Variants in DISP1 observed in about 807,000 individuals in gnomAD.
DISP1 encodes dispatched RND transporter family member 1.
In DISP1, 30 loss-of-function variants were observed where a neutral mutation model predicts 37.3. That is an observed-to-expected ratio of 0.80 (90% confidence interval 0.60 to 1.09). The LOEUF is 1.09. Ranked by LOEUF, DISP1 falls within the 50% of genes least tolerant of loss-of-function variation. The probability of loss-of-function intolerance (pLI) is 0.00; values close to 1 mark genes in which losing one functional copy is unlikely to be tolerated. For synonymous variants in DISP1, 634 were observed against 690.2 expected, an observed-to-expected ratio of 0.92 and a Z score of 1.28; for missense variants, 1,598 against 1,879.5, an observed-to-expected ratio of 0.85 and a Z score of 2.77.
chr1:222,898,897 C>A (rs1174670061), intron 1 of DISP1, among the ~76,000 whole-genome samples: 3 of 152,058 alleles, frequency 2.0e-5, no homozygotes, highest in African/African-American at 7.2e-5. Flanking sequence ...AGTTGATATA[C>A]TTGGGCCCTA....
Position 223,004,449 on chromosome 1 carries a change from G to T in DISP1, c.3052G>T (p.Gly1018Ter), listed in dbSNP as rs201126887. The change falls in exon 9 of 9, where the codon GGA (glycine) becomes TGA (stop). Residue 1018 changes from glycine to a stop codon, truncating the protein, a stop_gained. Transcript: ENST00000675850. LOFTEE classifies it low-confidence loss of function (END_TRUNC). This position sits in a 1 kb window ranked among gnomAD's most constrained non-coding sequence, Gnocchi z 4.9. ...ISLYAIISIA[G>*]TIFVTVGSLV... Reference sequence around the variant, plus strand: ...CCTTTATGCCATCATTTCAATTGCTGGAACGATATTTGTCACTGTTGGTTC... The same window carrying T: ...CCTTTATGCCATCATTTCAATTGCTTGAACGATATTTGTCACTGTTGGTTC... 1 of 1,614,196 alleles carries T rather than the reference G, an allele frequency of 6.2e-7. No individual in the cohort carries two copies. Among genetic ancestry groups the T allele is most frequent in the Non-Finnish European group, 8.5e-7 (1 of 1,180,052 alleles).
At chr1:222,970,429 A>G (rs1018387574) in intron 3 of DISP1, among the ~76,000 whole-genome samples, 1 of 152,210 alleles carries the variant, frequency 6.6e-6, no homozygotes, top group African/African-American at 2.4e-5. Context: ...TTAAAATACT[A>G]GTTCTTGCCT....
At chr1:222,936,877 ATGATATATATAATAT>A (rs1673890701) in intron 2 of DISP1, among the ~76,000 whole-genome samples, 1 of 60,294 alleles carries the variant, frequency 1.7e-5, no homozygotes, top group Admixed American at 2.5e-4. Flanking sequence ...TATCATATAT[ATGATATATATAATAT>A]ATTATTTATA....
chr1:222,980,156 G>A lies in DISP1; in HGVS notation c.510-2924G>A, dbSNP rs148634390. On this transcript the variant is annotated intron_variant, in intron 3 of 8. Transcript: ENST00000675850. ...AACTCAGTCATAGACAATGCAGCAGGTCTATGGTTTATGTAAGAACAGATT... is the reference window on the plus strand; with the variant it reads ...AACTCAGTCATAGACAATGCAGCAGATCTATGGTTTATGTAAGAACAGATT... 2.1e-3 allele frequency among the ~76,000 whole-genome samples: 319 copies of A among 152,258 alleles called. 1 individual carries two copies. The highest frequency in any genetic ancestry group is 4.8e-3 in the Admixed American group (74 of 15,294).
intron 1 of DISP1, among the ~76,000 whole-genome samples, chr1:222,828,904 A>G (rs1448860843): frequency 6.6e-6 from 1 of 152,224 alleles, no homozygotes; most frequent in East Asian, 1.9e-4. Context: ...GCATTGCCAG[A>G]AATAAAAGTC....
At chr1:222,869,728 T>G (rs1669413695) in intron 1 of DISP1, among the ~76,000 whole-genome samples, 1 of 152,144 alleles carries the variant, frequency 6.6e-6, no homozygotes, top group African/African-American at 2.4e-5. Context: ...TTTCTTAATC[T>G]TTTCTAGCTT....
intron 1 of DISP1, among the ~76,000 whole-genome samples, chr1:222,877,191 T>A (rs1025527286): frequency 1.3e-5 from 2 of 152,316 alleles, no homozygotes; most frequent in African/African-American, 4.8e-5. Context: ...ATAAACAGCT[T>A]ATCCAAAATG....
intron 1 of DISP1, among the ~76,000 whole-genome samples, chr1:222,921,180 A>C (rs1672790283): frequency 6.6e-6 from 1 of 152,084 alleles, no homozygotes; most frequent in Non-Finnish European, 1.5e-5. Context: ...GATGTGGTGC[A>C]TGCCTGTAGT....
At chr1:222,989,584 T>G in intron 4 of DISP1, 1 of 984,528 alleles carries the variant, frequency 1.0e-6, no homozygotes, top group Non-Finnish European at 1.2e-6. Context: ...TAGGATTTGG[T>G]AATAGAGACA....
chr1:222,856,626 G>A (rs558243561), intron 1 of DISP1, among the ~76,000 whole-genome samples: 19 of 151,926 alleles, frequency 1.3e-4, no homozygotes, highest in African/African-American at 3.6e-4. Flanking sequence ...CCTACCATAC[G>A]ATATCCATTG....
At chr1:222,928,400 C>T (rs892210853) in intron 1 of DISP1, 30 bp from the exon 2 acceptor site, 18 of 152,236 alleles carry the variant, frequency 1.2e-4, no homozygotes, top group African/African-American at 4.3e-4. Context: ...ATGCCTAATT[C>T]AAAGCAATCT....
At chr1:222,991,880 T>C in intron 6 of DISP1, 133 bp from the exon 7 acceptor site, 1 of 849,596 alleles carries the variant, frequency 1.2e-6, no homozygotes, top group Non-Finnish European at 1.9e-6. Context: ...TGTTGGTTGC[T>C]TCTTCTAATC....
intron 3 of DISP1, among the ~76,000 whole-genome samples, chr1:222,977,426 T>A (rs1455319532): frequency 2.0e-5 from 3 of 151,408 alleles, no homozygotes; most frequent in Admixed American, 1.3e-4. Context: ...TGGAAAGGCT[T>A]AATTACAAAT....
intron 1 of DISP1, among the ~76,000 whole-genome samples, chr1:222,841,044 T>G (rs1667585966): frequency 6.6e-6 from 1 of 152,160 alleles, no homozygotes; most frequent in South Asian, 2.1e-4. Context: ...ATCATTGTGA[T>G]TCCATTACAT....
At chr1:222,972,484 T>C (rs1400359027) in intron 3 of DISP1, among the ~76,000 whole-genome samples, 1 of 152,148 alleles carries the variant, frequency 6.6e-6, no homozygotes, top group Non-Finnish European at 1.5e-5. Context: ...TTCCTATTTC[T>C]ATTATCCACT....
At position 222,893,330 on chromosome 1, in the gene DISP1, G is replaced by A. The variant is rs969295742; in HGVS notation, c.-158-35100G>A. ...CATGGGATCCTTGGGATGTTACTTC[G>A]CCAACTGGAAACCTCTGTAGCTGGC... On this transcript the variant is annotated intron_variant, in intron 1 of 8. Coordinates refer to ENST00000675850, the MANE Select transcript of DISP1 (RefSeq NM_001377229.1). The surrounding 1 kb of genome is among the most constrained non-coding windows in gnomAD (Gnocchi z 4.3). Among the ~76,000 whole-genome samples the A allele has an allele frequency of 2.0e-5, 3 of 152,110 alleles. No individual in the cohort carries two copies. The highest frequency in any genetic ancestry group is 2.9e-5 in the Non-Finnish European group (2 of 68,016).
chr1:222,998,097 T>C (rs1336442050), intron 8 of DISP1, among the ~76,000 whole-genome samples: 2 of 152,056 alleles, frequency 1.3e-5, no homozygotes, highest in Non-Finnish European at 2.9e-5. Flanking sequence ...TCTTAAGTAA[T>C]AACTATTGGT....
chr1:222,970,748 C>T (rs72742257), intron 3 of DISP1, among the ~76,000 whole-genome samples: 52,784 of 151,978 alleles, frequency 0.35, 9,870 homozygotes, highest in East Asian at 0.47. Flanking sequence ...TTCTCATTGC[C>T]GTCTTTTAAA....
At chr1:222,950,599 CA>C (rs146782736) in intron 3 of DISP1, among the ~76,000 whole-genome samples, 139 of 137,800 alleles carry the variant, frequency 1.0e-3, no homozygotes, top group African/African-American at 2.4e-3. Flanking sequence ...GACTCCGTCT[CA>C]AAAAAAAAAA....
Sources: gnomAD v4.1 joint callset for allele counts (sites outside exome capture counted in the v4.1 genomes callset) on GRCh38, gnomAD v4.1.1 for gene constraint, Gnocchi (gnomAD v3.1) non-coding constraint, MANE v1.5 for transcripts, NCBI Gene and HGNC (gene_info 2026-07-23, HGNC 2026-07-21) for gene names.